ATG13: variants seen among roughly 807,000 people sequenced by gnomAD.
The protein encoded by ATG13 is autophagy-related protein 13.
A neutral mutation model predicts 65.5 loss-of-function variants in ATG13; 23 were observed. That is an observed-to-expected ratio of 0.35 (90% CI 0.25 to 0.50). The LOEUF is 0.50. ATG13 is among the 20% of genes least tolerant of loss of function. The pLI, the probability that ATG13 is intolerant of heterozygous loss-of-function variation, is 0.98. For synonymous variants in ATG13, 252 were observed against 245.2 expected, an observed-to-expected ratio of 1.03 and a Z score of -0.26; for missense variants, 566 against 677.0, an observed-to-expected ratio of 0.84 and a Z score of 1.82.
In ATG13 at chr11:46,669,551, C is replaced by G. The variant is rs1565633367; in HGVS notation, c.1575+19C>G. 2 of 1,613,314 alleles carry G rather than the reference C, an allele frequency of 1.2e-6. No homozygotes were observed. Among genetic ancestry groups the G allele is most frequent in the Non-Finnish European group, 1.7e-6 (2 of 1,179,506 alleles). On this transcript the variant is annotated intron_variant, in intron 18 of 18. Coordinates refer to ENST00000683050, the MANE Select transcript of ATG13 (RefSeq NM_001346311.2). ...AGACTTGGTATGGAAACGTCTTCCT[C>G]TACCACAGTGCATCCTTATTTGATG...
rs750135936 is a variant in ATG13 at position 46,665,511 on chromosome 11, C to T, written c.1128C>T (p.Pro376=). 4 of 1,614,172 alleles carry T rather than the reference C, an allele frequency of 2.5e-6. No individual in the cohort carries two copies. Among genetic ancestry groups the T allele is most frequent in the Non-Finnish European group, 3.4e-6 (4 of 1,179,978 alleles). ...ACAGAACCCACTGTGCTGCCACACC[C>T]TCCAGTAGGTGAGTTCACATTTTGG... ...PSDRTHCAAT[P]SSSEDTETVS... Residue 376 remains proline (P), a synonymous_variant, in exon 14 of 19, where the codon CCC becomes CCT. Coordinates refer to ENST00000683050, the MANE Select transcript of ATG13 (RefSeq NM_001346311.2).
At position 46,617,844 on chromosome 11, in the gene ATG13, C is replaced by T; in HGVS notation, c.-116C>T. On this transcript the variant is annotated 5_prime_UTR_variant, in exon 1 of 19. Transcript: ENST00000683050. ...CGGCTGGTCGGTCCCAGGTCCCGGCCTCCGTAATGAGAGCCCGGAACCACT... is the reference window on the plus strand; with the variant it reads ...CGGCTGGTCGGTCCCAGGTCCCGGCTTCCGTAATGAGAGCCCGGAACCACT... 7.5e-6 allele frequency: 3 copies of T among 399,192 alleles called. No individual in the cohort carries two copies. The highest frequency in any genetic ancestry group is 8.8e-5 in the Admixed American group (2 of 22,734). The allele number at this position is 399,192 out of a possible 1,614,324, so 24.7% of individuals were successfully genotyped here. A position where few individuals can be genotyped will look rare whatever the true frequency, so the allele number is the denominator to read the frequency against.
Position 46,642,430 on chromosome 11 carries a change from C to T in ATG13, c.-13-1849C>T, listed in dbSNP as rs191981304. ...AAGCAATTCTCTTGCCTCAGCCTCCCAAGTAGCTGGTATTACAGGCGTGTG... is the reference window on the plus strand; with the variant it reads ...AAGCAATTCTCTTGCCTCAGCCTCCTAAGTAGCTGGTATTACAGGCGTGTG... On this transcript the variant is annotated intron_variant, in intron 2 of 18. Transcript: ENST00000683050. Among the ~76,000 whole-genome samples, 345 of 151,890 alleles carry T rather than the reference C, an allele frequency of 2.3e-3. 1 individual carries two copies. The highest frequency in any genetic ancestry group is 7.9e-3 in the African/African-American group (329 of 41,414).
chr11:46,656,364 T>C, intron 8 of ATG13, 91 bp downstream of exon 8: 1 of 1,336,352 alleles, frequency 7.5e-7, no homozygotes, highest in Non-Finnish European at 1.1e-6. Flanking sequence ...AATATGTAGA[T>C]TGTCATCTTA....
intron 1 of ATG13, among the ~76,000 whole-genome samples, chr11:46,628,715 C>G (rs1217085253): frequency 6.6e-6 from 1 of 152,122 alleles, no homozygotes; most frequent in South Asian, 2.1e-4. Context: ...ACAGTCTTCT[C>G]TACACAGCAA....
At chr11:46,657,493 CAA>C in intron 9 of ATG13, 29 bp from the exon 10 acceptor site, 1 of 1,597,178 alleles carries the variant, frequency 6.3e-7, no homozygotes, top group Non-Finnish European at 8.6e-7. Flanking sequence ...GGCATTCTAA[CAA>C]ATACTGGAAT....
chr11:46,652,510 T>C (rs1185578227), intron 7 of ATG13, among the ~76,000 whole-genome samples: 1 of 151,970 alleles, frequency 6.6e-6, no homozygotes, highest in Non-Finnish European at 1.5e-5. Context: ...AGGTCAGGAG[T>C]TCGAGACCAG....
At chr11:46,618,545 C>T (rs1025134790) in intron 1 of ATG13, among the ~76,000 whole-genome samples, 2 of 152,190 alleles carry the variant, frequency 1.3e-5, no homozygotes, top group African/African-American at 4.8e-5. Context: ...TAAAAAATTA[C>T]CTATTTTCTC....
rs959229592 is a variant in ATG13 at position 46,652,480 on chromosome 11, C to T, written c.458+2163C>T. Among the ~76,000 whole-genome samples the T allele has an allele frequency of 5.3e-5, 8 of 152,046 alleles. No homozygotes were observed. The South Asian group carries it at 1.0e-3, about 20-fold the overall frequency. The stretch of plus-strand genomic sequence containing the variant: ...CTATAATCCCAGCACTTTGGGAGGC[C>T]GAGGCAGGAGGATCACCTGAGGTCA... On this transcript the variant is annotated intron_variant, in intron 7 of 18. Transcript: ENST00000683050.
chr11:46,649,630 C>T (rs1407012436), intron 6 of ATG13, among the ~76,000 whole-genome samples: 2 of 152,162 alleles, frequency 1.3e-5, no homozygotes, highest in Non-Finnish European at 2.9e-5. Context: ...TTTCTTCTTT[C>T]AAGGCAGATT....
chr11:46,671,139 C>T (rs76533702), intron 18 of ATG13, among the ~76,000 whole-genome samples: 16,093 of 152,146 alleles, frequency 0.11, 1,720 homozygotes, highest in East Asian at 0.58. Context: ...GCCTCCCTCT[C>T]CTTTCAGGAA....
chr11:46,667,628 C>T (rs1326539595), intron 14 of ATG13, 145 bp from the exon 15 acceptor site: 4 of 517,958 alleles, frequency 7.7e-6, no homozygotes, highest in Non-Finnish European at 1.4e-5. Context: ...ATCAGCCAGA[C>T]CACATAATGC....
At position 46,669,460 on chromosome 11, in the gene ATG13, G is replaced by A. The variant is rs1487159199; in HGVS notation, c.1503G>A (p.Arg501=). The change falls in exon 18 of 19, where the codon CGG becomes CGA. Residue 501 remains arginine, a synonymous_variant. Transcript: ENST00000683050. ...CGATGGACCTGGGGACCTTCTATCG[G>A]GAGTTTCAGAACCCACCTCAGCTGA... is the stretch of plus-strand genomic sequence containing the variant. The part of the protein sequence containing the change: ...ILPMDLGTFY[R]EFQNPPQLSS... The A allele has an allele frequency of 6.2e-7, 1 of 1,614,062 alleles. No individual in the cohort carries two copies. The highest frequency in any genetic ancestry group is 8.5e-7 in the Non-Finnish European group (1 of 1,179,996).
At chr11:46,641,314 C>A (rs2055909792) in intron 2 of ATG13, among the ~76,000 whole-genome samples, 1 of 152,202 alleles carries the variant, frequency 6.6e-6, no homozygotes, top group Non-Finnish European at 1.5e-5. Context: ...TTGTGATCCA[C>A]CCGCCTCGGC....
At chr11:46,633,026 ATT>A (rs746504456) in intron 2 of ATG13, among the ~76,000 whole-genome samples, 339 of 90,640 alleles carry the variant, frequency 3.7e-3, no homozygotes, top group African/African-American at 0.011. Context: ...ATATATATAT[ATT>A]TTTTTTTTTT....
At chr11:46,629,304 T>G (rs547284116) in intron 1 of ATG13, among the ~76,000 whole-genome samples, 7 of 152,230 alleles carry the variant, frequency 4.6e-5, no homozygotes, top group Non-Finnish European at 1.0e-4. Context: ...ATGGTATAGA[T>G]GCAGTCACAC....
chr11:46,665,077 A>T, intron 13 of ATG13, 118 bp downstream of exon 13: 1 of 1,078,516 alleles, frequency 9.3e-7, no homozygotes, highest in South Asian at 1.6e-5. Context: ...CTGAAGCAAA[A>T]CTCTTTCGTG....
At chr11:46,668,452 A>C in intron 15 of ATG13, 47 bp from the exon 16 acceptor site, 2 of 1,575,908 alleles carry the variant, frequency 1.3e-6, no homozygotes, top group Non-Finnish European at 1.7e-6. Context: ...AAGCATGAAC[A>C]CTGCAGGAGG....
Position 46,622,109 on chromosome 11 carries a change from ATATATATATATATATATATT to A in ATG13, c.-70+4223_-70+4242del, listed in dbSNP as rs1284495107. Among the ~76,000 whole-genome samples, 4 of 74,050 alleles carry A rather than the reference ATATATATATATATATATATT, an allele frequency of 5.4e-5. No individual in the cohort carries two copies. The East Asian group carries it at 1.0e-3, about 19-fold the overall frequency. The allele number at this position is 74,050 out of a possible 152,430, so 48.6% of individuals were successfully genotyped here. A position where few individuals can be genotyped will look rare whatever the true frequency, so the allele number is the denominator to read the frequency against. On this transcript the variant is annotated intron_variant, in intron 1 of 18. Transcript: ENST00000683050. Reference sequence around the variant, plus strand: ...TATATATATATATATATATATATATATATATATATATATATATATTTATTTTAGAGATGGTATTTGCCCTG... The same window carrying A: ...TATATATATATATATATATATATATATATTTTAGAGATGGTATTTGCCCTG...
Sources: gnomAD v4.1 joint callset for allele counts (sites outside exome capture counted in the v4.1 genomes callset) on GRCh38, gnomAD v4.1.1 for gene constraint, MANE v1.5 for transcripts, NCBI Gene and HGNC (gene_info 2026-07-23, HGNC 2026-07-21) for gene names.